Variants in CDKL3 observed in about 807,000 individuals in gnomAD.
CDKL3 encodes the protein cyclin dependent kinase like 3.
Under a neutral mutation model 69.3 loss-of-function variants are expected in CDKL3, and 65 were observed. The ratio of observed to expected loss-of-function variants is 0.94; its 90% CI spans 0.77 to 1.15. The LOEUF is 1.15. Ranked by LOEUF, CDKL3 falls within the 50% of genes most tolerant of loss-of-function variation. The pLI, the probability that CDKL3 is intolerant of heterozygous loss-of-function variation, is 0.00. For synonymous variants in CDKL3, 202 were observed against 221.6 expected (o/e 0.91, Z 0.79); for missense variants, 652 against 689.2 (o/e 0.95, Z 0.61).
At chr5:134,365,418 CCTCA>C (rs1757175928) in intron 2 of CDKL3, among the ~76,000 whole-genome samples, 1 of 152,024 alleles carries the variant, frequency 6.6e-6, no homozygotes, top group Non-Finnish European at 1.5e-5. Context: ...CCGCACCCGG[CCTCA>C]TGTCTTTTTT....
chr5:134,345,547 TGAGTCCGAAAAGA>T (rs1301459470), intron 4 of CDKL3, among the ~76,000 whole-genome samples: 1 of 152,186 alleles, frequency 6.6e-6, no homozygotes, highest in African/African-American at 2.4e-5. Flanking sequence ...GCAGGCGGGC[TGAGTCCGAAAAGA>T]GAGTCAGCAA....
In CDKL3 at chr5:134,298,531, T is replaced by C; in HGVS notation, c.*120A>G. On this transcript the variant is annotated 3_prime_UTR_variant, in exon 13 of 13. Transcript: ENST00000265334. Reference sequence around the variant, plus strand: ...TGTTTTGCTAACAAAAAAAGCTGGATGATGCTCATGCACATGGATGGCTGT... The same window carrying C: ...TGTTTTGCTAACAAAAAAAGCTGGACGATGCTCATGCACATGGATGGCTGT... 4 of 1,460,282 alleles carry C rather than the reference T, an allele frequency of 2.7e-6. No homozygotes were observed. The highest frequency in any genetic ancestry group is 2.7e-6 in the Non-Finnish European group (3 of 1,109,608). 90.5% of individuals were successfully genotyped at this position (1,460,282 alleles called of 1,614,324 possible).
intron 3 of CDKL3, among the ~76,000 whole-genome samples, chr5:134,354,029 C>A (rs1157028955): frequency 6.6e-6 from 1 of 152,168 alleles, no homozygotes; most frequent in African/African-American, 2.4e-5. Flanking sequence ...TGTCTAATCT[C>A]TATGCATTTG....
At position 134,308,721 on chromosome 5, in the gene CDKL3, C is replaced by T; in HGVS notation, c.888G>A (p.Met296Ile). 3 of 1,585,362 alleles carry T rather than the reference C, an allele frequency of 1.9e-6. No individual in the cohort carries two copies. The highest frequency in any genetic ancestry group is 2.6e-6 in the Non-Finnish European group (3 of 1,172,480). Residue 296 changes from methionine (M) to isoleucine (I), a missense_variant, in exon 8 of 13, where the codon ATG becomes ATA. Met to Ile is a conservative substitution (Grantham distance 10). Coordinates refer to ENST00000265334, the MANE Select transcript of CDKL3 (RefSeq NM_001113575.2). Reference sequence around the variant, plus strand: ...GCAGTAATTTAGCTTTCAGTTCTGGCATGAATCTGACAAAACAAGCAATAT... The same window carrying T: ...GCAGTAATTTAGCTTTCAGTTCTGGTATGAATCTGACAAAACAAGCAATAT... ...FTRDGFIEKFMPELKAKLLQE... is the reference protein window; with the variant it reads ...FTRDGFIEKFIPELKAKLLQE...
At chr5:134,357,167 C>T (rs1187991965) in intron 3 of CDKL3, among the ~76,000 whole-genome samples, 1 of 151,994 alleles carries the variant, frequency 6.6e-6, no homozygotes, top group Non-Finnish European at 1.5e-5. Context: ...AAATGTAAGC[C>T]GGGCGCGGTG....
At chr5:134,307,727 G>T (rs981331867) in intron 9 of CDKL3, among the ~76,000 whole-genome samples, 3 of 152,162 alleles carry the variant, frequency 2.0e-5, no homozygotes, top group Non-Finnish European at 4.4e-5. Flanking sequence ...ACCTTGAAAG[G>T]CTATTTGACT....
chr5:134,323,315 A>G (rs1259583217), intron 4 of CDKL3, among the ~76,000 whole-genome samples: 2 of 152,360 alleles, frequency 1.3e-5, no homozygotes, highest in African/African-American at 2.4e-5. Flanking sequence ...TACACAATAA[A>G]TACATACAAT....
chr5:134,347,219 G>A (rs1282958852), intron 4 of CDKL3, among the ~76,000 whole-genome samples: 1 of 151,302 alleles, frequency 6.6e-6, no homozygotes, highest in Admixed American at 6.6e-5. Context: ...AAAAAGGCTA[G>A]GATGGCTATT....
intron 5 of CDKL3, among the ~76,000 whole-genome samples, chr5:134,320,549 A>G (rs1359785866): frequency 1.3e-5 from 2 of 151,940 alleles, no homozygotes; most frequent in African/African-American, 4.8e-5. Context: ...GTGCACTCCA[A>G]CCCAGGTGAC....
chr5:134,319,473 T>C lies in CDKL3; in HGVS notation c.677A>G (p.Asn226Ser). 4 of 1,532,610 alleles carry C rather than the reference T, an allele frequency of 2.6e-6. No individual in the cohort carries two copies. Among genetic ancestry groups the C allele is most frequent in the Non-Finnish European group, 2.6e-6 (3 of 1,142,070 alleles). The allele number at this position is 1,532,610 out of a possible 1,614,324, so 94.9% of individuals were successfully genotyped here. A position where few individuals can be genotyped will look rare whatever the true frequency, so the allele number is the denominator to read the frequency against. ...AAAAATGGGGCTCTTGGAAAAGATA[T>C]TCTGCAAGTGAGGTGACAAATTGCC... ...KVGNLSPHLQ[N>S]IFSKSPIFAG... The change falls in exon 6 of 13, where the codon AAT (asparagine) becomes AGT (serine). Residue 226 changes from asparagine (N) to serine (S), a missense_variant. By Grantham distance (46) the Asn-to-Ser change is conservative (BLOSUM62 1). Transcript: ENST00000265334.
At chr5:134,304,724 C>G (rs1426308226) in intron 10 of CDKL3, among the ~76,000 whole-genome samples, 157 bp from the exon 11 acceptor site, 1 of 151,632 alleles carries the variant, frequency 6.6e-6, no homozygotes, top group Non-Finnish European at 1.5e-5. Flanking sequence ...AACATATCAA[C>G]AGATCAAACT....
intron 3 of CDKL3, among the ~76,000 whole-genome samples, chr5:134,351,826 G>C (rs2149605866): frequency 6.6e-6 from 1 of 152,194 alleles, no homozygotes; most frequent in East Asian, 1.9e-4. Flanking sequence ...TGTACATGTT[G>C]TTTTAAAATA....
intron 4 of CDKL3, among the ~76,000 whole-genome samples, chr5:134,328,918 G>T (rs1395115562): frequency 3.3e-5 from 5 of 152,212 alleles, no homozygotes; most frequent in Non-Finnish European, 7.3e-5. Context: ...TTTCAAAAAT[G>T]AAGGTGAAAG....
upstream of CDKL3, chr5:134,371,473 T>TCGGCGGAGGCGGCGGCGGCGGCGGCGG: frequency 8.7e-7 from 1 of 1,143,788 alleles, no homozygotes; most frequent in Non-Finnish European, 1.2e-6. Flanking sequence ...TTTGTCAGTC[T>TCGGCGGAGGCGGCGGCGGCGGCGGCGG]CGGCGGCGGC....
In CDKL3 at chr5:134,361,629, C is replaced by A. The variant is rs201896951; in HGVS notation, c.166-1538G>T. 3.3e-5 allele frequency among the ~76,000 whole-genome samples: 5 copies of A among 152,276 alleles called. No individual in the cohort carries two copies. In the East Asian group the frequency reaches 9.7e-4, roughly 29 times the overall value. ...TGAAAAGAATTGACTGTTGGCTGGGCATGGTGGTGCACACCTATAATCCCA... is the reference window on the plus strand; with the variant it reads ...TGAAAAGAATTGACTGTTGGCTGGGAATGGTGGTGCACACCTATAATCCCA... On this transcript the variant is annotated intron_variant, in intron 2 of 12. Transcript: ENST00000265334.
intron 8 of CDKL3, among the ~76,000 whole-genome samples, chr5:134,291,051 G>T (rs1765105747): frequency 6.6e-6 from 1 of 152,080 alleles, no homozygotes; most frequent in South Asian, 2.1e-4. Context: ...ATGATGTAGG[G>T]TATAAGAAAA....
rs562367039 is a variant in CDKL3, at chr5:134,361,686, A to T, written c.166-1595T>A. Among the ~76,000 whole-genome samples the T allele has an allele frequency of 2.6e-5, 4 of 151,816 alleles. No individual in the cohort carries two copies. In the South Asian group the frequency reaches 6.3e-4, roughly 24 times the overall value. On this transcript the variant is annotated intron_variant, in intron 2 of 12. Coordinates refer to ENST00000265334, the MANE Select transcript of CDKL3 (RefSeq NM_001113575.2). ...TGGGAGGCTGAGGCGGGCAAATCAC[A>T]TGAGGTCAGGAGTTCGAGACCAGCC...
At chr5:134,333,673 G>A (rs1467427797) in intron 4 of CDKL3, among the ~76,000 whole-genome samples, 31 of 152,142 alleles carry the variant, frequency 2.0e-4, no homozygotes, top group Admixed American at 1.9e-3. Flanking sequence ...TGACTTGATC[G>A]TGGTGGATAA....
chr5:134,314,693 C>T (rs894731407), intron 6 of CDKL3, among the ~76,000 whole-genome samples: 7 of 152,034 alleles, frequency 4.6e-5, no homozygotes, highest in African/African-American at 1.7e-4. Flanking sequence ...GTGGAAGAAG[C>T]CAGACATGAA....
Sources: allele counts gnomAD v4.1 joint callset (sites outside exome capture counted in the v4.1 genomes callset), GRCh38; gene constraint gnomAD v4.1.1; transcripts MANE v1.5; gene names NCBI Gene and HGNC (gene_info 2026-07-23, HGNC 2026-07-21).